Variants in CDH9 observed in about 807,000 individuals in gnomAD.
The protein encoded by CDH9 is cadherin-9.
In CDH9, 28 loss-of-function variants were observed where a neutral mutation model predicts 70.9. That is an observed-to-expected ratio of 0.40 (90% CI 0.29 to 0.54). CDH9 has a LOEUF of 0.54. Among genes scored for constraint, CDH9 ranks in the 20% least tolerant of loss-of-function variants. The probability of loss-of-function intolerance (pLI) is 0.59; values close to 1 mark genes in which losing one functional copy is unlikely to be tolerated. For missense variants in CDH9, 874 were observed against 984.4 expected (o/e 0.89, Z 1.50); for synonymous variants, 409 against 343.1 (o/e 1.19, Z -2.12).
At chr5:26,998,431 A>G (rs1742704820) in intron 1 of CDH9, among the ~76,000 whole-genome samples, 1 of 152,108 alleles carries the variant, frequency 6.6e-6, no homozygotes, top group Non-Finnish European at 1.5e-5. Context: ...CTTTGAAGGG[A>G]TATGGATGAA....
intron 1 of CDH9, among the ~76,000 whole-genome samples, chr5:27,006,682 T>A (rs182228666): frequency 1.3e-5 from 2 of 152,242 alleles, no homozygotes; most frequent in East Asian, 3.9e-4. Context: ...TCCTTCCCAA[T>A]GATTGCATTT....
At chr5:26,912,873 GA>G (rs201994636) in intron 3 of CDH9, among the ~76,000 whole-genome samples, 5 of 152,028 alleles carry the variant, frequency 3.3e-5, no homozygotes, top group East Asian at 1.9e-4. Context: ...AATTATGGGG[GA>G]GGGTCTTTTC....
At chr5:26,992,375 A>C (rs1742591701) in intron 1 of CDH9, among the ~76,000 whole-genome samples, 1 of 152,156 alleles carries the variant, frequency 6.6e-6, no homozygotes, top group South Asian at 2.1e-4. Flanking sequence ...GTGCCCTTGT[A>C]AGAGAGGCAT....
At chr5:26,895,736 T>A (rs1740738404) in intron 7 of CDH9, among the ~76,000 whole-genome samples, 3 of 152,046 alleles carry the variant, frequency 2.0e-5, no homozygotes, top group Admixed American at 2.0e-4. Context: ...TCAGAAAATA[T>A]ATTTGATGAA....
intron 2 of CDH9, among the ~76,000 whole-genome samples, chr5:26,972,649 G>A (rs1013883807): frequency 6.6e-6 from 1 of 152,110 alleles, no homozygotes; most frequent in African/African-American, 2.4e-5. Flanking sequence ...AGGATCAACT[G>A]TACTTTCTCT....
intron 2 of CDH9, among the ~76,000 whole-genome samples, chr5:26,960,632 A>G (rs1424152660): frequency 6.6e-6 from 1 of 152,038 alleles, no homozygotes; most frequent in Non-Finnish European, 1.5e-5. Context: ...CTGAAAATGT[A>G]TGATAATACA....
At chr5:27,025,111 A>G (rs1743199939) in intron 1 of CDH9, among the ~76,000 whole-genome samples, 1 of 152,082 alleles carries the variant, frequency 6.6e-6, no homozygotes, top group Non-Finnish European at 1.5e-5. Flanking sequence ...TTCTTACAAC[A>G]TTTCAGCCAA....
intron 1 of CDH9, among the ~76,000 whole-genome samples, chr5:27,012,048 A>G (rs1742968445): frequency 6.6e-6 from 1 of 151,964 alleles, no homozygotes; most frequent in Non-Finnish European, 1.5e-5. Context: ...ATCTATATAC[A>G]ATCTTGCCTC....
At chr5:27,017,836 TTCTA>T (rs1743071255) in intron 1 of CDH9, among the ~76,000 whole-genome samples, 1 of 151,976 alleles carries the variant, frequency 6.6e-6, no homozygotes, top group Non-Finnish European at 1.5e-5. Flanking sequence ...CTATCTCCAT[TTCTA>T]TCTGTCTAAT....
At chr5:26,929,354 G>A (rs1741399918) in intron 2 of CDH9, among the ~76,000 whole-genome samples, 1 of 152,010 alleles carries the variant, frequency 6.6e-6, no homozygotes, top group African/African-American at 2.4e-5. Context: ...TGCTGGTGAG[G>A]ATATCAGGAA....
chr5:26,984,218 T>C (rs1462347019), intron 2 of CDH9, among the ~76,000 whole-genome samples: 1 of 152,158 alleles, frequency 6.6e-6, no homozygotes, highest in Non-Finnish European at 1.5e-5. Flanking sequence ...GCAATAAAGA[T>C]ACCTTATTTA....
intron 1 of CDH9, among the ~76,000 whole-genome samples, chr5:27,014,146 A>G (rs558217097): frequency 6.6e-6 from 1 of 152,088 alleles, no homozygotes; most frequent in East Asian, 1.9e-4. Context: ...CTTCATTATC[A>G]ATCACATCAA....
intron 9 of CDH9, among the ~76,000 whole-genome samples, chr5:26,886,653 T>A (rs1740571808): frequency 6.6e-6 from 1 of 152,180 alleles, no homozygotes; most frequent in African/African-American, 2.4e-5. Context: ...TTAAATTGCT[T>A]GCTTTTCCTT....
At chr5:26,939,836 TAAAAG>T (rs1208090907) in intron 2 of CDH9, among the ~76,000 whole-genome samples, 2 of 152,026 alleles carry the variant, frequency 1.3e-5, no homozygotes. Flanking sequence ...GTAGAAGAAA[TAAAAG>T]TAAAACTAAT....
chr5:26,938,493 A>C (rs957726968), intron 2 of CDH9, among the ~76,000 whole-genome samples: 1 of 152,028 alleles, frequency 6.6e-6, no homozygotes, highest in Admixed American at 6.6e-5. Context: ...AGTTAAGTAA[A>C]TTTTTAAAAA....
At chr5:26,954,518 G>T (rs566322895) in intron 2 of CDH9, among the ~76,000 whole-genome samples, 1 of 148,826 alleles carries the variant, frequency 6.7e-6, no homozygotes, top group South Asian at 2.2e-4. Flanking sequence ...CCGAGTAGCT[G>T]GCACTACAGG....
At chr5:26,891,801 G>C (rs1287778279) in intron 7 of CDH9, among the ~76,000 whole-genome samples, 1 of 152,146 alleles carries the variant, frequency 6.6e-6, no homozygotes, top group Non-Finnish European at 1.5e-5. Flanking sequence ...ATTGTTGCTG[G>C]CTTTAAAGCT....
intron 1 of CDH9, among the ~76,000 whole-genome samples, chr5:27,028,962 A>G (rs886830864): frequency 6.6e-6 from 1 of 152,076 alleles, no homozygotes; most frequent in East Asian, 2.0e-4. Context: ...GTGAACAACT[A>G]AAAGATTACT....
chr5:26,902,637 G>C lies in CDH9; in HGVS notation c.1092C>G (p.Phe364Leu), dbSNP rs1166114133. ...ATATTTTGACCACAGCTGTATCTTT[G>C]AAAGGTCCCAGGTGTAAGAATCGTG... ...PDPRFLHLGP[F>L]KDTAVVKISV... The change falls in exon 7 of 12, where the codon TTC becomes TTG. Residue 364 changes from phenylalanine to leucine, a missense_variant. Phe to Leu is a conservative substitution (Grantham distance 22). Coordinates refer to ENST00000231021, the MANE Select transcript of CDH9 (RefSeq NM_016279.4). The C allele has an allele frequency of 6.3e-7, 1 of 1,599,392 alleles. No individual in the cohort carries two copies. The highest frequency in any genetic ancestry group is 8.6e-7 in the Non-Finnish European group (1 of 1,167,018).
Sources: gnomAD v4.1 joint callset for allele counts (sites outside exome capture counted in the v4.1 genomes callset) on GRCh38, gnomAD v4.1.1 for gene constraint, MANE v1.5 for transcripts, NCBI Gene and HGNC (gene_info 2026-07-23, HGNC 2026-07-21) for gene names.